RCAN3: variants seen among roughly 807,000 people sequenced by gnomAD.
RCAN3 encodes regulator of calcineurin 3.
In RCAN3, 19 loss-of-function variants were observed where a neutral mutation model predicts 21.9. The ratio of observed to expected loss-of-function variants is 0.87; its 90% CI spans 0.61 to 1.27. RCAN3 has a LOEUF of 1.27. Ranked by LOEUF, RCAN3 falls within the 50% of genes most tolerant of loss-of-function variation. The probability of loss-of-function intolerance (pLI) is 0.00; values close to 1 mark genes in which losing one functional copy is unlikely to be tolerated. For synonymous variants in RCAN3, 114 were observed against 112.3 expected (o/e 1.01, Z -0.09); for missense variants, 240 against 300.1 (o/e 0.80, Z 1.48).
chr1:24,528,367 TC>T (rs1649449833), intron 2 of RCAN3, among the ~76,000 whole-genome samples: 1 of 152,188 alleles, frequency 6.6e-6, no homozygotes, highest in Non-Finnish European at 1.5e-5. Flanking sequence ...ATGGACTAGT[TC>T]CTCTAGTGAA....
At chr1:24,532,945 T>C (rs1345057626) in intron 3 of RCAN3, 138 bp from the exon 4 acceptor site, 3 of 453,212 alleles carry the variant, frequency 6.6e-6, no homozygotes, top group Admixed American at 8.7e-5. Context: ...TGAGACTCCG[T>C]CTCAAAAAAA....
chr1:24,522,603 C>T (rs948783876), intron 2 of RCAN3, among the ~76,000 whole-genome samples: 2 of 152,176 alleles, frequency 1.3e-5, no homozygotes, highest in Admixed American at 6.5e-5. Context: ...CCCTCCTTCC[C>T]GGTGCCACTG....
chr1:24,507,843 G>A (rs1015022733), intron 1 of RCAN3: 6 of 152,278 alleles, frequency 3.9e-5, no homozygotes, highest in African/African-American at 1.4e-4. Context: ...GGGAGGCCAA[G>A]ACGGGGGGAT....
At chr1:24,522,344 T>G (rs1648889276) in intron 2 of RCAN3, among the ~76,000 whole-genome samples, 1 of 152,206 alleles carries the variant, frequency 6.6e-6, no homozygotes, top group South Asian at 2.1e-4. Flanking sequence ...ATTTCTGTGC[T>G]GCCTGAACAA....
intron 1 of RCAN3, among the ~76,000 whole-genome samples, chr1:24,511,505 T>G (rs1570448932): frequency 6.6e-6 from 1 of 152,280 alleles, no homozygotes; most frequent in East Asian, 1.9e-4. Context: ...ACGTATTGAT[T>G]AGGCACACCC....
intron 2 of RCAN3, among the ~76,000 whole-genome samples, chr1:24,523,041 T>C (rs1648942377): frequency 6.7e-6 from 1 of 149,738 alleles, no homozygotes; most frequent in Non-Finnish European, 1.5e-5. Context: ...TGATTGAGCC[T>C]GATATTCTGT....
Position 24,508,380 on chromosome 1 carries a change from G to A in RCAN3, c.-60+5230G>A, listed in dbSNP as rs572311615. Among the ~76,000 whole-genome samples the A allele has an allele frequency of 2.0e-5, 3 of 152,334 alleles. No homozygotes were observed. The East Asian group carries it at 5.8e-4, about 29-fold the overall frequency. On this transcript the variant is annotated intron_variant, in intron 1 of 4. Coordinates refer to ENST00000374395, the MANE Select transcript of RCAN3 (RefSeq NM_013441.4). ...GTCTTAAGGTCGTTGCACGAAATGAGAGCCAGTATTGACACAGGTGTGTGT... is the reference window on the plus strand; with the variant it reads ...GTCTTAAGGTCGTTGCACGAAATGAAAGCCAGTATTGACACAGGTGTGTGT...
At chr1:24,533,946 G>A (rs1212702712) in intron 4 of RCAN3, among the ~76,000 whole-genome samples, 2 of 152,198 alleles carry the variant, frequency 1.3e-5, no homozygotes, top group Non-Finnish European at 2.9e-5. Context: ...GCCCCACCAA[G>A]TATCAGACAA....
chr1:24,531,418 T>C (rs776610082), intron 3 of RCAN3, 27 bp downstream of exon 3: 2 of 1,497,094 alleles, frequency 1.3e-6, no homozygotes, highest in Admixed American at 4.4e-5. Context: ...AGAACACTGT[T>C]CTCTAAACTT....
intron 1 of RCAN3, among the ~76,000 whole-genome samples, chr1:24,508,876 G>A (rs1647666914): frequency 6.6e-6 from 1 of 152,136 alleles, no homozygotes; most frequent in Non-Finnish European, 1.5e-5. Context: ...AAATACTAAT[G>A]ATCGGTTGGT....
rs1455516770 is a variant in RCAN3, at chr1:24,536,460, A to G, written c.*1183A>G. 6.6e-6 allele frequency: 1 copy of G among 152,194 alleles called. No homozygotes were observed. The highest frequency in any genetic ancestry group is 6.5e-5 in the Admixed American group (1 of 15,274). The allele number at this position is 152,194 out of a possible 1,614,324, so 9.4% of individuals were successfully genotyped here. On this transcript the variant is annotated 3_prime_UTR_variant, in exon 5 of 5. Coordinates refer to ENST00000374395, the MANE Select transcript of RCAN3 (RefSeq NM_013441.4). ...CTTAGGTGTCAGAATGTACCTTTGA[A>G]CTTCCCTAAGAAGCAGCAGGATCTT...
At position 24,517,076 on chromosome 1, in the gene RCAN3, ATTTTTTTGTT is replaced by A. The variant is rs372846073; in HGVS notation, c.195+2527_195+2536del. ...CTCAAGAAACGTCACAATCTTTTCT[ATTTTTTTGTT>A]TTTTTTTGTTTTTTTTTTGTTTGTT... On this transcript the variant is annotated intron_variant, in intron 2 of 4. Coordinates refer to ENST00000374395, the MANE Select transcript of RCAN3 (RefSeq NM_013441.4). 6.6e-3 allele frequency among the ~76,000 whole-genome samples: 829 copies of A among 126,294 alleles called. 4 individuals are homozygous for A. Among genetic ancestry groups the A allele is most frequent in the East Asian group, 0.015 (47 of 3,046 alleles). 82.9% of individuals were successfully genotyped at this position (126,294 alleles called of 152,430 possible). A position where few individuals can be genotyped will look rare whatever the true frequency, so the allele number is the denominator to read the frequency against.
chr1:24,538,658 C>G lies in RCAN3; in HGVS notation c.*3381C>G, dbSNP rs957535287. 1 of 151,632 alleles carries G rather than the reference C, an allele frequency of 6.6e-6. No homozygotes were observed. The highest frequency in any genetic ancestry group is 2.4e-5 in the African/African-American group (1 of 41,146). 9.4% of individuals were successfully genotyped at this position (151,632 alleles called of 1,614,324 possible). ...TCGATCTCCTGACCTAGTGATCCGC[C>G]TGCCTTGGCCTCCCAAAGTGCTGGG... On this transcript the variant is annotated 3_prime_UTR_variant, in exon 5 of 5. Coordinates refer to ENST00000374395, the MANE Select transcript of RCAN3 (RefSeq NM_013441.4).
chr1:24,521,488 A>G (rs561683053), intron 2 of RCAN3, among the ~76,000 whole-genome samples: 1 of 152,304 alleles, frequency 6.6e-6, no homozygotes, highest in East Asian at 1.9e-4. Flanking sequence ...CTTCAGAGAG[A>G]AGGCTCCTCT....
Position 24,535,377 on chromosome 1 carries a change from T to C in RCAN3, c.*100T>C. 1 of 1,332,546 alleles carries C rather than the reference T, an allele frequency of 7.5e-7. No individual in the cohort carries two copies. Among genetic ancestry groups the C allele is most frequent in the Non-Finnish European group, 9.9e-7 (1 of 1,006,830 alleles). The allele number at this position is 1,332,546 out of a possible 1,614,324, so 82.5% of individuals were successfully genotyped here. On this transcript the variant is annotated 3_prime_UTR_variant, in exon 5 of 5. Transcript: ENST00000374395. ...TTGCTGCGAACAGCATAGGTGAGAC[T>C]CTGCCGAGTGAGGTATAGGTCTTCT...
chr1:24,527,978 C>G (rs1649409145), intron 2 of RCAN3, among the ~76,000 whole-genome samples: 1 of 151,946 alleles, frequency 6.6e-6, no homozygotes, highest in African/African-American at 2.4e-5. Context: ...TCAAAATACT[C>G]AGGAGATATA....
chr1:24,513,952 A>G lies in RCAN3; in HGVS notation c.-59-362A>G, dbSNP rs1014914358. On this transcript the variant is annotated intron_variant, in intron 1 of 4. Coordinates refer to ENST00000374395, the MANE Select transcript of RCAN3 (RefSeq NM_013441.4). ...ACAGTGTTGTAGATGGAAAACCCCA[A>G]ACAAATATGTGGAGGCTCTTCTGGT... Among the ~76,000 whole-genome samples, 5 of 152,210 alleles carry G rather than the reference A, an allele frequency of 3.3e-5. No individual in the cohort carries two copies. In the South Asian group the frequency reaches 6.2e-4, roughly 19 times the overall value.
chr1:24,510,192 A>C (rs755957627), intron 1 of RCAN3, among the ~76,000 whole-genome samples: 9 of 142,744 alleles, frequency 6.3e-5, no homozygotes, highest in Non-Finnish European at 1.4e-4. Flanking sequence ...TAGGATTTTT[A>C]GAATGGTGAA....
chr1:24,526,590 T>C (rs7530184), intron 2 of RCAN3, among the ~76,000 whole-genome samples: 2,252 of 152,260 alleles, frequency 0.015, 59 homozygotes, highest in African/African-American at 0.05. Flanking sequence ...CTAGGAAGAA[T>C]TCGTTGTGGG....
Sources: allele counts gnomAD v4.1 joint callset (sites outside exome capture counted in the v4.1 genomes callset), GRCh38; gene constraint gnomAD v4.1.1; transcripts MANE v1.5; gene names NCBI Gene and HGNC (gene_info 2026-07-23, HGNC 2026-07-21).